Variants in NUFIP1 observed in about 807,000 individuals in gnomAD.
The protein encoded by NUFIP1 is FMR1-interacting protein NUFIP1.
In NUFIP1, 38 loss-of-function variants were observed where a neutral mutation model predicts 56.2. The observed-to-expected ratio is 0.68, with a 90% confidence interval of 0.52 to 0.89. The LOEUF is 0.89. NUFIP1 is among the 40% of genes least tolerant of loss of function. The pLI is 0.00. For missense variants in NUFIP1, 567 were observed against 605.8 expected, an observed-to-expected ratio of 0.94 and a Z score of 0.67; for synonymous variants, 215 against 212.4, an observed-to-expected ratio of 1.01 and a Z score of -0.10.
chr13:44,943,375 C>CAT (rs1870810193), intron 9 of NUFIP1, 67 bp downstream of exon 9: 1 of 1,319,458 alleles, frequency 7.6e-7, no homozygotes, highest in African/African-American at 1.5e-5. Context: ...CACACACACA[C>CAT]ACCCCAGTGG....
rs58494952 is a variant in NUFIP1, at chr13:44,961,768, C to T, written c.828-2194G>A. The stretch of plus-strand genomic sequence containing the variant: ...AAGAGATGCCACTTTCTTTGAGCTC[C>T]CATTCACGGATGCCTTCCCCGTTAT... On this transcript the variant is annotated intron_variant, in intron 6 of 9. Transcript: ENST00000379161. 2.3e-3 allele frequency among the ~76,000 whole-genome samples: 348 copies of T among 152,290 alleles called. 7 individuals are homozygous for T. In the East Asian group the frequency reaches 0.036, roughly 16 times the overall value.
chr13:44,980,789 CA>C lies in NUFIP1; in HGVS notation c.526del (p.Cys176ValfsTer27), dbSNP rs1566064574. 4.4e-6 allele frequency: 7 copies of C among 1,600,666 alleles called. No individual in the cohort carries two copies. The highest frequency in any genetic ancestry group is 3.6e-5 in the Admixed American group (2 of 56,108). ...TTTAAAACCACGATCACAGGTATCA[CA>C]AAAAAAGTGAAAAACTGGTTCCTTT... ...KRKEPVFHFF[C>X]DTCDRGFKNQ... is the part of the protein sequence containing the mutation. On this transcript the variant is annotated frameshift_variant, in exon 3 of 10. Transcript: ENST00000379161. LOFTEE classifies it high-confidence loss of function.
intron 6 of NUFIP1, among the ~76,000 whole-genome samples, chr13:44,962,166 C>T (rs141159445): frequency 3.3e-4 from 50 of 152,142 alleles, no homozygotes; most frequent in Admixed American, 9.2e-4. Flanking sequence ...TTACATTAAA[C>T]GTAAATGAAC....
At chr13:44,941,552 T>C (rs575842698) in intron 9 of NUFIP1, among the ~76,000 whole-genome samples, 82 of 152,372 alleles carry the variant, frequency 5.4e-4, no homozygotes, top group Non-Finnish European at 1.0e-3. Context: ...CTCGCTCTGT[T>C]GCCCAGGCTG....
chr13:44,963,097 CA>C (rs907541124), intron 6 of NUFIP1, among the ~76,000 whole-genome samples: 90 of 146,706 alleles, frequency 6.1e-4, no homozygotes, highest in African/African-American at 2.1e-3. Context: ...AAAAACAAAA[CA>C]AAAAAAAAAC....
chr13:44,988,699 G>T (rs1390724561), intron 1 of NUFIP1, among the ~76,000 whole-genome samples: 1 of 152,112 alleles, frequency 6.6e-6, no homozygotes, highest in Non-Finnish European at 1.5e-5. Flanking sequence ...ACAGTCAACA[G>T]GAAAACATTC....
chr13:44,959,014 C>T (rs555936091), intron 7 of NUFIP1, among the ~76,000 whole-genome samples: 3 of 152,082 alleles, frequency 2.0e-5, no homozygotes, highest in South Asian at 2.1e-4. Flanking sequence ...TACTGACTTC[C>T]GTTAGAATTG....
rs1027771635 is a variant in NUFIP1 at position 44,949,619 on chromosome 13, A to C, written c.1138+103T>G. 7 of 678,916 alleles carry C rather than the reference A, an allele frequency of 1.0e-5. No homozygotes were observed. The African/African-American group carries it at 1.1e-4, about 11-fold the overall frequency. The allele number at this position is 678,916 out of a possible 1,614,324, so 42.1% of individuals were successfully genotyped here. A position where few individuals can be genotyped will look rare whatever the true frequency, so the allele number is the denominator to read the frequency against. On this transcript the variant is annotated intron_variant, in intron 8 of 9. Coordinates refer to ENST00000379161, the MANE Select transcript of NUFIP1 (RefSeq NM_012345.3). ...ATTCAAATGGAAAAGGAATTTGAAAACCAAATAAAGGATGCACATCCTGGA... is the reference window on the plus strand; with the variant it reads ...ATTCAAATGGAAAAGGAATTTGAAACCCAAATAAAGGATGCACATCCTGGA...
chr13:44,962,731 C>T (rs527243952), intron 6 of NUFIP1, among the ~76,000 whole-genome samples: 8 of 152,340 alleles, frequency 5.3e-5, no homozygotes, highest in Admixed American at 4.6e-4. Context: ...TCACCCAAGG[C>T]AACTTCCAGT....
intron 1 of NUFIP1, among the ~76,000 whole-genome samples, chr13:44,987,755 C>G (rs1872458218): frequency 6.6e-6 from 1 of 152,176 alleles, no homozygotes; most frequent in Non-Finnish European, 1.5e-5. Context: ...ACAATAGCTT[C>G]CTAACCGGTT....
At chr13:44,960,242 C>T (rs189416482) in intron 6 of NUFIP1, among the ~76,000 whole-genome samples, 1 of 151,388 alleles carries the variant, frequency 6.6e-6, no homozygotes, top group Non-Finnish European at 1.5e-5. Flanking sequence ...AAGTGTTTCT[C>T]AGAGTTTATA....
intron 8 of NUFIP1, among the ~76,000 whole-genome samples, chr13:44,945,808 G>A (rs1370329519): frequency 2.0e-5 from 3 of 152,046 alleles, no homozygotes; most frequent in African/African-American, 7.2e-5. Flanking sequence ...CTATGAATCA[G>A]TGTGATATGA....
At chr13:44,978,363 GTTC>G (rs1394874451) in intron 5 of NUFIP1, among the ~76,000 whole-genome samples, 2 of 152,148 alleles carry the variant, frequency 1.3e-5, no homozygotes, top group Non-Finnish European at 2.9e-5. Flanking sequence ...TTTAAGGATA[GTTC>G]TTCTTGTTTT....
At chr13:44,986,916 G>A (rs1872419223) in intron 1 of NUFIP1, among the ~76,000 whole-genome samples, 1 of 152,024 alleles carries the variant, frequency 6.6e-6, no homozygotes, top group Non-Finnish European at 1.5e-5. Context: ...CGACTTCCTG[G>A]GCTCAAGGAA....
intron 8 of NUFIP1, 72 bp from the exon 9 acceptor site, chr13:44,943,746 C>T (rs1870826236): frequency 2.7e-6 from 3 of 1,110,952 alleles, no homozygotes; most frequent in Non-Finnish European, 4.0e-6. Context: ...CAAAAGCAAC[C>T]AACAAATCCA....
At chr13:44,987,779 G>C (rs1872459948) in intron 1 of NUFIP1, among the ~76,000 whole-genome samples, 1 of 152,154 alleles carries the variant, frequency 6.6e-6, no homozygotes, top group South Asian at 2.1e-4. Flanking sequence ...CTTTCAGTCA[G>C]TTCTCACCAA....
intron 5 of NUFIP1, among the ~76,000 whole-genome samples, chr13:44,973,851 A>G (rs924583475): frequency 6.6e-6 from 1 of 152,222 alleles, no homozygotes; most frequent in Non-Finnish European, 1.5e-5. Flanking sequence ...TAAAAGGGCG[A>G]AAGTTCACAA....
At chr13:44,961,921 GTATCTGT>G (rs1311176775) in intron 6 of NUFIP1, among the ~76,000 whole-genome samples, 2 of 152,204 alleles carry the variant, frequency 1.3e-5, no homozygotes, top group African/African-American at 4.8e-5. Context: ...AGAAAGTAGT[GTATCTGT>G]TATTTGCACT....
chr13:44,976,374 C>T (rs1452686490), intron 5 of NUFIP1, among the ~76,000 whole-genome samples: 2 of 126,514 alleles, frequency 1.6e-5, no homozygotes, highest in Non-Finnish European at 3.3e-5. Flanking sequence ...GAGGAGGAGG[C>T]GAAGGTGAAG....
Sources: allele counts gnomAD v4.1 joint callset (sites outside exome capture counted in the v4.1 genomes callset), GRCh38; gene constraint gnomAD v4.1.1; transcripts MANE v1.5; gene names NCBI Gene and HGNC (gene_info 2026-07-23, HGNC 2026-07-21).